The following VPS25 variants were observed in gnomAD, a reference collection of about 807,000 sequenced individuals.
The protein encoded by VPS25 is vacuolar protein sorting 25 homolog, also known as vacuolar protein-sorting-associated protein 25.
Under a neutral mutation model 30.3 loss-of-function variants are expected in VPS25, and 21 were observed. That is an observed-to-expected ratio of 0.69 (90% CI 0.49 to 1.00). The LOEUF (loss-of-function observed/expected upper bound fraction) is 1.00, where lower values mean the gene tolerates loss of function less well. Ranked by LOEUF, VPS25 falls within the 50% of genes least tolerant of loss-of-function variation. VPS25 has a pLI of 0.00. For missense variants in VPS25, 156 were observed against 217.2 expected (o/e 0.72, Z 1.77); for synonymous variants, 101 against 88.1 (o/e 1.15, Z -0.82).
rs1347219048 is a variant in VPS25, at chr17:42,779,140, T to TC, written c.*76dup. On this transcript the variant is annotated 3_prime_UTR_variant, in exon 6 of 6. Transcript: ENST00000253794. ...CTTTCAAAAGGAGACAGACCCAGTG[T>TC]CCCCCAAAGACTGGATCTGTGACTC... 2.1e-6 allele frequency: 3 copies of TC among 1,404,744 alleles called. No homozygotes were observed. Among genetic ancestry groups the TC allele is most frequent in the Non-Finnish European group, 3.0e-6 (3 of 1,013,186 alleles). The allele number at this position is 1,404,744 out of a possible 1,614,324, so 87.0% of individuals were successfully genotyped here. A position where few individuals can be genotyped will look rare whatever the true frequency, so the allele number is the denominator to read the frequency against.
chr17:42,779,168 C>A lies in VPS25; in HGVS notation c.*99C>A. The stretch of plus-strand genomic sequence containing the variant: ...CCCAAAGACTGGATCTGTGACTCCA[C>A]CAGACTCAAAAGGACTCCAGTCCTG... On this transcript the variant is annotated 3_prime_UTR_variant, in exon 6 of 6. Transcript: ENST00000253794. 1.7e-6 allele frequency: 2 copies of A among 1,153,534 alleles called. No homozygotes were observed. The highest frequency in any genetic ancestry group is 1.3e-6 in the Non-Finnish European group (1 of 796,656). The allele number at this position is 1,153,534 out of a possible 1,614,324, so 71.5% of individuals were successfully genotyped here.
intron 3 of VPS25, chr17:42,775,129 C>T (rs1339939913): frequency 1.1e-5 from 5 of 456,764 alleles, no homozygotes; most frequent in Admixed American, 4.0e-5. Context: ...ACTGCAGCCT[C>T]GACTCCCAGG....
chr17:42,776,523 T>C (rs971383819), intron 5 of VPS25, among the ~76,000 whole-genome samples: 2 of 151,432 alleles, frequency 1.3e-5, no homozygotes, highest in Non-Finnish European at 2.9e-5. Flanking sequence ...CCACCACGCC[T>C]GGCTAATTTT....
At position 42,776,235 on chromosome 17, in the gene VPS25, G is replaced by A; in HGVS notation, c.343-10G>A. The stretch of plus-strand genomic sequence containing the variant: ...GGTTCTAATTCACTCCTCATTTTCT[G>A]TATTCACAGGTTTCCAGGAGTGGCC... On this transcript the variant is annotated splice_polypyrimidine_tract_variant and intron_variant, in intron 4 of 5. Coordinates refer to ENST00000253794, the MANE Select transcript of VPS25 (RefSeq NM_032353.4). The A allele has an allele frequency of 6.2e-7, 1 of 1,611,952 alleles. No homozygotes were observed. The highest frequency in any genetic ancestry group is 1.1e-5 in the South Asian group (1 of 90,888).
intron 1 of VPS25, 45 bp downstream of exon 1, chr17:42,773,573 C>T (rs1299493728): frequency 6.2e-7 from 1 of 1,613,822 alleles, no homozygotes; most frequent in East Asian, 2.2e-5. Context: ...TCCCTCCCCT[C>T]CCCCGGACCC....
intron 2 of VPS25, 67 bp downstream of exon 2, chr17:42,773,945 C>CA: frequency 6.6e-7 from 1 of 1,526,686 alleles, no homozygotes. Flanking sequence ...CATGCCCAGA[C>CA]GCCCCCCCGC....
intron 5 of VPS25, 63 bp from the exon 6 acceptor site, chr17:42,778,894 C>A: frequency 6.7e-7 from 1 of 1,499,896 alleles, no homozygotes; most frequent in Non-Finnish European, 9.2e-7. Flanking sequence ...CCAGCCAGAG[C>A]ACTCTCCTCA....
Position 42,774,656 on chromosome 17 carries a change from T to C in VPS25, c.210T>C (p.Pro70=). The C allele has an allele frequency of 4.3e-6, 7 of 1,613,216 alleles. No individual in the cohort carries two copies. Among genetic ancestry groups the C allele is most frequent in the Non-Finnish European group, 5.9e-6 (7 of 1,179,282 alleles). ...TTAACCTTAAACCAGGAAAGCTTCC[T>C]GTGGAGTCGATCCAGATTGTATTAG... is the stretch of plus-strand genomic sequence containing the variant. The part of the protein sequence containing the change: ...FNNVKLQRKL[P]VESIQIVLEE... Residue 70 remains proline (P), a synonymous_variant, in exon 3 of 6, where the codon CCT becomes CCC. Transcript: ENST00000253794.
intron 3 of VPS25, chr17:42,774,902 G>A (rs2054428259): frequency 4.1e-6 from 2 of 487,204 alleles, no homozygotes; most frequent in Admixed American, 6.7e-5. Flanking sequence ...CCCTAAACCT[G>A]AAGAGAAGTG....
intron 2 of VPS25, chr17:42,774,439 T>A: frequency 5.9e-6 from 2 of 337,426 alleles, no homozygotes; most frequent in Non-Finnish European, 1.1e-5. Context: ...AGTGGCACAA[T>A]CACATAAAGC....
intron 5 of VPS25, among the ~76,000 whole-genome samples, chr17:42,777,598 G>C (rs1344200701): frequency 2.0e-5 from 3 of 152,124 alleles, no homozygotes; most frequent in Non-Finnish European, 4.4e-5. Context: ...TGAGAAACAA[G>C]GGCAGGGGAT....
rs1597888981 is a variant in VPS25, at chr17:42,773,500, T to C, written c.25T>C (p.Trp9Arg). ...GATGGCGATGAGTTTCGAGTGGCCG[T>C]GGCAGTATCGCTTCCCACCCTTCTT... MAMSFEWPWQYRFPPFFTL... is the reference protein window; with the variant it reads MAMSFEWPRQYRFPPFFTL... Residue 9 changes from tryptophan (W) to arginine (R), a missense_variant, in exon 1 of 6, where the codon TGG becomes CGG. Coordinates refer to ENST00000253794, the MANE Select transcript of VPS25 (RefSeq NM_032353.4). 6 of 1,614,152 alleles carry C rather than the reference T, an allele frequency of 3.7e-6. No individual in the cohort carries two copies. Among genetic ancestry groups the C allele is most frequent in the Non-Finnish European group, 4.2e-6 (5 of 1,180,014 alleles).
At chr17:42,778,880 G>T (rs560890769) in intron 5 of VPS25, 77 bp from the exon 6 acceptor site, 1 of 1,406,742 alleles carries the variant, frequency 7.1e-7, no homozygotes, top group African/African-American at 1.4e-5. Flanking sequence ...GGAGGTCTCG[G>T]CTTCCAGCCA....
chr17:42,776,345 T>C (rs1176365088), intron 5 of VPS25, 25 bp downstream of exon 5: 2 of 1,605,104 alleles, frequency 1.2e-6, no homozygotes. Flanking sequence ...TTCCCACTCA[T>C]AGTTAATTTT....
chr17:42,776,699 A>G (rs773861738), intron 5 of VPS25, among the ~76,000 whole-genome samples: 20 of 118,962 alleles, frequency 1.7e-4, no homozygotes, highest in Non-Finnish European at 3.3e-4. Flanking sequence ...GAGTCACTGT[A>G]TCCCAGGCTG....
At position 42,779,012 on chromosome 17, in the gene VPS25, G is replaced by A. The variant is rs771030610; in HGVS notation, c.474G>A (p.Gln158=). Residue 158 remains glutamine, a synonymous_variant, in exon 6 of 6, where the codon CAG becomes CAA. Transcript: ENST00000253794. ...TLLRALQALQ[Q]EHKAEIITVS... ...TGCGGGCTCTGCAGGCCCTACAGCA[G>A]GAGCACAAGGCCGAGATCATCACTG... 5 of 1,612,348 alleles carry A rather than the reference G, an allele frequency of 3.1e-6. No homozygotes were observed. The South Asian group carries it at 5.5e-5, about 18-fold the overall frequency.
In VPS25 at chr17:42,773,844, G is replaced by A; in HGVS notation, c.165G>A (p.Gln55=). 1 of 1,613,946 alleles carries A rather than the reference G, an allele frequency of 6.2e-7. No individual in the cohort carries two copies. The highest frequency in any genetic ancestry group is 1.1e-5 in the South Asian group (1 of 91,086). Residue 55 remains glutamine (Q), a synonymous_variant, in exon 2 of 6, where the codon CAG becomes CAA. Transcript: ENST00000253794. ...KQSSMTVMEA[Q]ESPLFNNVKL... ...CCAGCATGACGGTGATGGAAGCTCA[G>A]GAGAGCCCGCTCTTCAACAACGTCA...
chr17:42,774,314 G>A (rs2054424917), intron 2 of VPS25: 1 of 297,836 alleles, frequency 3.4e-6, no homozygotes, highest in African/African-American at 2.2e-5. Flanking sequence ...CTGAAGGAAG[G>A]CAACAGACAG....
chr17:42,777,761 A>G (rs989299523), intron 5 of VPS25, among the ~76,000 whole-genome samples: 9 of 152,164 alleles, frequency 5.9e-5, no homozygotes, highest in African/African-American at 2.2e-4. Flanking sequence ...AAGGATTTGT[A>G]TAGTGTTTGA....
Sources: allele counts gnomAD v4.1 joint callset (sites outside exome capture counted in the v4.1 genomes callset), GRCh38; gene constraint gnomAD v4.1.1; transcripts MANE v1.5; gene names NCBI Gene and HGNC (gene_info 2026-07-23, HGNC 2026-07-21).